The following STXBP6 variants were observed in gnomAD, a reference collection of about 807,000 sequenced individuals.
The protein encoded by STXBP6 is syntaxin-binding protein 6.
In STXBP6, 21 loss-of-function variants were observed where a neutral mutation model predicts 26.9. The observed-to-expected ratio is 0.78, with a 90% CI of 0.55 to 1.12. STXBP6 has a LOEUF of 1.12. STXBP6 is among the 50% of genes most tolerant of loss of function. The pLI, the probability that STXBP6 is intolerant of heterozygous loss-of-function variation, is 0.00. For missense variants in STXBP6, 232 were observed against 257.9 expected, an observed-to-expected ratio of 0.90 and a Z score of 0.69; for synonymous variants, 97 against 92.6, an observed-to-expected ratio of 1.05 and a Z score of -0.27.
At chr14:24,888,633 G>GA (rs947664575) in intron 2 of STXBP6, among the ~76,000 whole-genome samples, 4 of 151,610 alleles carry the variant, frequency 2.6e-5, no homozygotes, top group African/African-American at 9.7e-5. Context: ...TGAGGCAAGA[G>GA]AATTGCTTGA....
At chr14:24,970,660 A>G (rs2073881322) in intron 2 of STXBP6, among the ~76,000 whole-genome samples, 1 of 152,226 alleles carries the variant, frequency 6.6e-6, no homozygotes, top group African/African-American at 2.4e-5. Flanking sequence ...GGTTTGGGTT[A>G]TTATGAATGA....
intron 2 of STXBP6, among the ~76,000 whole-genome samples, chr14:24,908,356 G>C (rs12880978): frequency 0.19 from 29,091 of 152,056 alleles, 3,642 homozygotes; most frequent in African/African-American, 0.36. Context: ...CTCTGCACAA[G>C]CCTCCTAAGT....
chr14:24,967,798 T>A (rs977153851), intron 2 of STXBP6, among the ~76,000 whole-genome samples: 2 of 152,204 alleles, frequency 1.3e-5, no homozygotes, highest in African/African-American at 4.8e-5. Flanking sequence ...CCAAAAGCGT[T>A]CTACATCTCT....
At chr14:24,897,449 GT>G (rs1251530739) in intron 2 of STXBP6, among the ~76,000 whole-genome samples, 9 of 134,678 alleles carry the variant, frequency 6.7e-5, no homozygotes, top group African/African-American at 1.9e-4. Context: ...AAAAGAAAAA[GT>G]TTTTTTTATA....
rs564821501 is a variant in STXBP6, at chr14:24,848,909, C to T, written c.451+7027G>A. Among the ~76,000 whole-genome samples, 10 of 152,152 alleles carry T rather than the reference C, an allele frequency of 6.6e-5. No individual in the cohort carries two copies. The East Asian group carries it at 1.5e-3, about 23-fold the overall frequency. ...AAACATGATGACTAGTAATGTCATC[C>T]TCAACTTAAAAAATACATGAAAGAT... On this transcript the variant is annotated intron_variant, in intron 4 of 5. Coordinates refer to ENST00000323944, the MANE Select transcript of STXBP6 (RefSeq NM_001394410.1).
intron 2 of STXBP6, among the ~76,000 whole-genome samples, chr14:24,966,217 G>T (rs1309979242): frequency 6.6e-6 from 1 of 152,108 alleles, no homozygotes; most frequent in Non-Finnish European, 1.5e-5. Context: ...ATGCATACAT[G>T]AGAGAATGGA....
intron 1 of STXBP6, among the ~76,000 whole-genome samples, chr14:25,039,601 C>T (rs2075609648): frequency 6.6e-6 from 1 of 152,186 alleles, no homozygotes; most frequent in Non-Finnish European, 1.5e-5. Context: ...AGACTTGGCT[C>T]CTCTACAGCA....
In STXBP6 at chr14:24,999,291, C is replaced by G. The variant is rs150993399; in HGVS notation, c.-32-24441G>C. On this transcript the variant is annotated intron_variant, in intron 1 of 5. Coordinates refer to ENST00000323944, the MANE Select transcript of STXBP6 (RefSeq NM_001394410.1). ...AAGGAAGTGAAAATCTATAAAGAAGCCAGAAGGAAAAGAATATCCTACTTA... is the reference window on the plus strand; with the variant it reads ...AAGGAAGTGAAAATCTATAAAGAAGGCAGAAGGAAAAGAATATCCTACTTA... Among the ~76,000 whole-genome samples the G allele has an allele frequency of 2.0e-5, 3 of 152,022 alleles. No individual in the cohort carries two copies. The South Asian group carries it at 6.2e-4, about 32-fold the overall frequency.
intron 2 of STXBP6, among the ~76,000 whole-genome samples, chr14:24,916,002 T>C (rs1442817844): frequency 6.6e-6 from 1 of 152,134 alleles, no homozygotes; most frequent in African/African-American, 2.4e-5. Flanking sequence ...TGATAGTTAA[T>C]GCAGTTATAA....
intron 1 of STXBP6, among the ~76,000 whole-genome samples, chr14:25,020,833 A>G (rs926109315): frequency 5.9e-5 from 9 of 151,774 alleles, no homozygotes; most frequent in African/African-American, 1.9e-4. Flanking sequence ...GCCTTGCTCA[A>G]CCTCCCTTTG....
intron 1 of STXBP6, among the ~76,000 whole-genome samples, chr14:24,991,827 C>T (rs1037250903): frequency 8.5e-5 from 13 of 152,224 alleles, no homozygotes; most frequent in African/African-American, 3.1e-4. Context: ...TTGCTTCTCA[C>T]ACAGGAATTC....
intron 2 of STXBP6, among the ~76,000 whole-genome samples, chr14:24,958,262 C>T (rs2073407037): frequency 6.6e-6 from 1 of 151,682 alleles, no homozygotes; most frequent in Non-Finnish European, 1.5e-5. Flanking sequence ...TAACACCAAG[C>T]ACTGTATCCT....
chr14:24,844,877 T>A (rs2068901980), intron 4 of STXBP6, among the ~76,000 whole-genome samples: 1 of 152,126 alleles, frequency 6.6e-6, no homozygotes, highest in Admixed American at 6.5e-5. Context: ...ATTGTTAATC[T>A]CTCAAGAGGT....
chr14:24,946,188 T>G (rs2072983439), intron 2 of STXBP6, among the ~76,000 whole-genome samples: 1 of 152,208 alleles, frequency 6.6e-6, no homozygotes, highest in Non-Finnish European at 1.5e-5. Context: ...AGTAGCACTG[T>G]TTATGGGATA....
chr14:25,024,048 A>G (rs774656838), intron 1 of STXBP6, among the ~76,000 whole-genome samples: 7 of 151,904 alleles, frequency 4.6e-5, no homozygotes, highest in Admixed American at 6.6e-5. Context: ...GGTGGCTCAC[A>G]CCTGTAATCC....
intron 1 of STXBP6, among the ~76,000 whole-genome samples, chr14:25,009,245 A>G (rs2074976262): frequency 1.3e-5 from 2 of 152,206 alleles, no homozygotes; most frequent in Non-Finnish European, 2.9e-5. Context: ...TAAATGGAGA[A>G]TTCTTATCAC....
Position 24,945,139 on chromosome 14 carries a change from A to ATTTTTTTTTTTTTTTTTTTTT in STXBP6, c.154+29505_154+29525dup, listed in dbSNP as rs552562019. 2.8e-4 allele frequency among the ~76,000 whole-genome samples: 28 copies of ATTTTTTTTTTTTTTTTTTTTT among 100,714 alleles called. 10 individuals are homozygous for ATTTTTTTTTTTTTTTTTTTTT. The highest frequency in any genetic ancestry group is 7.6e-4 in the African/African-American group (21 of 27,536). 66.1% of individuals were successfully genotyped at this position (100,714 alleles called of 152,430 possible). On this transcript the variant is annotated intron_variant, in intron 2 of 5. Transcript: ENST00000323944. ...TGGCATGTATATGAACCAATTAGGAATTTTTTTTTTTTTTTTTTTTTTTTT... is the reference window on the plus strand; with the variant it reads ...TGGCATGTATATGAACCAATTAGGAATTTTTTTTTTTTTTTTTTTTTTTTTTTTTTTTTTTTTTTTTTTTTT...
intron 1 of STXBP6, among the ~76,000 whole-genome samples, chr14:25,025,381 C>T (rs2075332171): frequency 6.6e-6 from 1 of 152,022 alleles, no homozygotes; most frequent in African/African-American, 2.4e-5. Context: ...TGCCCTAAGG[C>T]TGCCTTTGTG....
chr14:24,818,056 C>T (rs761449890), intron 5 of STXBP6: 65 of 456,606 alleles, frequency 1.4e-4, no homozygotes, highest in South Asian at 4.8e-4. Context: ...CTTGTTTCCT[C>T]AGCAGAAGTG....
Sources: gnomAD v4.1 joint callset for allele counts (sites outside exome capture counted in the v4.1 genomes callset) on GRCh38, gnomAD v4.1.1 for gene constraint, MANE v1.5 for transcripts, NCBI Gene and HGNC (gene_info 2026-07-23, HGNC 2026-07-21) for gene names.